PGBD2: variants seen among roughly 807,000 people sequenced by gnomAD.
The protein encoded by PGBD2 is piggyBac transposable element derived 2, also known as piggyBac transposable element-derived protein 2.
Under a neutral mutation model 8.1 loss-of-function variants are expected in PGBD2, and 6 were observed. The ratio of observed to expected loss-of-function variants is 0.74; its 90% CI spans 0.40 to 1.46. The LOEUF is 1.46. Among genes scored for constraint, PGBD2 ranks in the 40% most tolerant of loss-of-function variants. PGBD2 has a pLI of 0.02. For missense variants in PGBD2, 802 were observed against 739.0 expected (o/e 1.09, Z -0.99); for synonymous variants, 318 against 272.2 (o/e 1.17, Z -1.66).
upstream of PGBD2, among the ~76,000 whole-genome samples, chr1:248,902,684 A>G (rs1274739069): frequency 6.6e-6 from 1 of 152,226 alleles, no homozygotes; most frequent in African/African-American, 2.4e-5. Flanking sequence ...GATTGAGATC[A>G]TATCTTTTTG....
chr1:248,920,456 T>C (rs929188762), downstream of PGBD2, among the ~76,000 whole-genome samples: 3 of 152,216 alleles, frequency 2.0e-5, no homozygotes, highest in Admixed American at 6.5e-5. Flanking sequence ...TTCATCCATG[T>C]CCCTGCAAAG....
the PGBD2 span, among the ~76,000 whole-genome samples, chr1:248,878,543 TTC>T: frequency 6.6e-6 from 1 of 152,158 alleles, no homozygotes; most frequent in African/African-American, 2.4e-5. Context: ...TATAAAGACT[TTC>T]TCTCTTATTT....
At chr1:248,900,504 C>T in the PGBD2 span, among the ~76,000 whole-genome samples, 4 of 152,206 alleles carry the variant, frequency 2.6e-5, no homozygotes, top group East Asian at 3.9e-4. Flanking sequence ...ACATGGTTGT[C>T]GCAATAGAAG....
chr1:248,886,090 A>G, the PGBD2 span, among the ~76,000 whole-genome samples: 1 of 152,234 alleles, frequency 6.6e-6, no homozygotes, highest in Non-Finnish European at 1.5e-5. Flanking sequence ...GTTACCAAAG[A>G]AAGGCCTTGT....
the PGBD2 span, among the ~76,000 whole-genome samples, chr1:248,894,125 G>C: frequency 6.6e-6 from 1 of 152,080 alleles, no homozygotes; most frequent in Non-Finnish European, 1.5e-5. Flanking sequence ...CTATTTATAG[G>C]AGTTCCTTAT....
the PGBD2 span, among the ~76,000 whole-genome samples, chr1:248,899,072 C>T: frequency 2.0e-5 from 3 of 152,164 alleles, no homozygotes; most frequent in African/African-American, 7.2e-5. Context: ...AATATATATG[C>T]ACCCAATACT....
At chr1:248,897,471 G>A in the PGBD2 span, among the ~76,000 whole-genome samples, 1 of 152,088 alleles carries the variant, frequency 6.6e-6, no homozygotes, top group African/African-American at 2.4e-5. Flanking sequence ...TAAATTAAAT[G>A]TATGTTCAAG....
At chr1:248,889,303 T>A in the PGBD2 span, among the ~76,000 whole-genome samples, 1 of 151,980 alleles carries the variant, frequency 6.6e-6, no homozygotes, top group African/African-American at 2.4e-5. Flanking sequence ...GAGAATCGCT[T>A]GAACCTGGGA....
the PGBD2 span, among the ~76,000 whole-genome samples, chr1:248,883,200 C>G: frequency 6.6e-6 from 1 of 151,268 alleles, no homozygotes; most frequent in African/African-American, 2.4e-5. Flanking sequence ...CTCGGCTCAC[C>G]ACAACCTCCG....
chr1:248,890,823 ACCACACACAC>A, the PGBD2 span, among the ~76,000 whole-genome samples: 1 of 148,784 alleles, frequency 6.7e-6, no homozygotes, highest in Admixed American at 6.7e-5. Flanking sequence ...CACAACATAC[ACCACACACAC>A]CCACACACAC....
Position 248,917,406 on chromosome 1 carries a change from G to C in PGBD2, c.822G>C (p.Glu274Asp). 1 of 1,614,156 alleles carries C rather than the reference G, an allele frequency of 6.2e-7. No individual in the cohort carries two copies. The change falls in exon 3 of 3, where the codon GAG becomes GAC. Residue 274 changes from glutamate (E) to aspartate (D), a missense_variant. By Grantham distance (45) the Glu-to-Asp change is conservative. Coordinates refer to ENST00000329291, the MANE Select transcript of PGBD2 (RefSeq NM_170725.3). ...ACAGCTTTGGCGAGTCTATGTGTGA[G>C]TACTTTGGGCACCGGGGGTCCAAGC... ...EFYSFGESMCEYFGHRGSKQL... is the reference protein window; with the variant it reads ...EFYSFGESMCDYFGHRGSKQL...
intron 1 of PGBD2, among the ~76,000 whole-genome samples, chr1:248,911,796 C>G (rs1332113209): frequency 7.1e-6 from 1 of 141,540 alleles, no homozygotes; most frequent in African/African-American, 2.5e-5. Context: ...CGGGCGCTCC[C>G]CCAGCAAATT....
upstream of PGBD2, among the ~76,000 whole-genome samples, chr1:248,904,446 G>T (rs892500281): frequency 3.3e-5 from 5 of 152,000 alleles, no homozygotes; most frequent in African/African-American, 4.8e-5. Flanking sequence ...CTTACACTTG[G>T]TCCCGATCTT....
rs578016065 is a variant in PGBD2 at position 248,906,977 on chromosome 1, G to T, written c.-48+635G>T. Among the ~76,000 whole-genome samples, 9 of 152,226 alleles carry T rather than the reference G, an allele frequency of 5.9e-5. No individual in the cohort carries two copies. In the South Asian group the frequency reaches 1.9e-3, roughly 32 times the overall value. Reference sequence around the variant, plus strand: ...CTTGTCAGGTGGGAGGAGAGACTGAGAAAAGAAATAAGACACAGAGACAAA... The same window carrying T: ...CTTGTCAGGTGGGAGGAGAGACTGATAAAAGAAATAAGACACAGAGACAAA... On this transcript the variant is annotated intron_variant, in intron 1 of 2. Coordinates refer to ENST00000329291, the MANE Select transcript of PGBD2 (RefSeq NM_170725.3).
Position 248,917,930 on chromosome 1 carries a change from A to G in PGBD2, c.1346A>G (p.Gln449Arg). The change falls in exon 3 of 3, where the codon CAG (glutamine) becomes CGG (arginine). Residue 449 changes from glutamine to arginine, a missense_variant. Coordinates refer to ENST00000329291, the MANE Select transcript of PGBD2 (RefSeq NM_170725.3). ...GAAKTRTQVHQPSLVKLYQEK... is the reference protein window; with the variant it reads ...GAAKTRTQVHRPSLVKLYQEK... ...GCTAAAACGCGGACTCAGGTCCACC[A>G]GCCATCACTGGTGAAGCTGTATCAG... is the stretch of plus-strand genomic sequence containing the variant. 2.5e-6 allele frequency: 4 copies of G among 1,614,234 alleles called. No homozygotes were observed. Among genetic ancestry groups the G allele is most frequent in the Non-Finnish European group, 3.4e-6 (4 of 1,180,044 alleles).
chr1:248,911,898 G>C (rs893833385), intron 1 of PGBD2, among the ~76,000 whole-genome samples: 26 of 151,946 alleles, frequency 1.7e-4, no homozygotes, highest in African/African-American at 6.1e-4. Context: ...ATGACACCAG[G>C]TGGGAGAGTT....
In PGBD2 at chr1:248,918,359, G is replaced by A. The variant is rs746456938; in HGVS notation, c.1775G>A (p.Arg592Gln). The change falls in exon 3 of 3, where the codon CGG becomes CAG. Residue 592 changes from arginine (R) to glutamine (Q), a missense_variant. Coordinates refer to ENST00000329291, the MANE Select transcript of PGBD2 (RefSeq NM_170725.3). ...AAATGCTTCAGGGAGTACCACATCC[G>A]GTGACATCATGAGACATGCTTCTTT... ...HAKCFREYHI[R>Q] The A allele has an allele frequency of 7.1e-6, 11 of 1,542,500 alleles. No homozygotes were observed. The Admixed American group carries it at 8.1e-5, about 11-fold the overall frequency.
At chr1:248,921,394 A>T (rs1307061409), downstream of PGBD2, among the ~76,000 whole-genome samples, 1 of 152,198 alleles carries the variant, frequency 6.6e-6, no homozygotes, top group Non-Finnish European at 1.5e-5. Context: ...TAAATAGGGA[A>T]TCTTTTCACC....
chr1:248,891,326 A>G, the PGBD2 span, among the ~76,000 whole-genome samples: 18 of 152,068 alleles, frequency 1.2e-4, no homozygotes, highest in Non-Finnish European at 2.4e-4. Context: ...AACAGAGGGA[A>G]CTCGGTGGGT....
Sources: gnomAD v4.1 joint callset for allele counts (sites outside exome capture counted in the v4.1 genomes callset) on GRCh38, gnomAD v4.1.1 for gene constraint, MANE v1.5 for transcripts, NCBI Gene and HGNC (gene_info 2026-07-23, HGNC 2026-07-21) for gene names.